Variants in CHODL observed in about 807,000 individuals in gnomAD.
CHODL encodes chondrolectin, also known as transmembrane protein MT75.
A neutral mutation model predicts 34.5 loss-of-function variants in CHODL; 29 were observed. That is an observed-to-expected ratio of 0.84 (90% confidence interval 0.63 to 1.15). The LOEUF (loss-of-function observed/expected upper bound fraction) is 1.15. CHODL is among the 50% of genes most tolerant of loss of function. CHODL has a pLI of 0.00. For missense variants in CHODL, 332 were observed against 332.5 expected, an observed-to-expected ratio of 1.00 and a Z score of 0.01; for synonymous variants, 125 against 116.1, an observed-to-expected ratio of 1.08 and a Z score of -0.49.
At chr21:18,249,008 A>AAT (rs35373711) in intron 1 of CHODL, among the ~76,000 whole-genome samples, 2,487 of 108,998 alleles carry the variant, frequency 0.023, 95 homozygotes, top group African/African-American at 0.08. Flanking sequence ...ATTTATATAT[A>AAT]ATATATATTA....
chr21:17,981,325 A>T (rs1478590459), intron 1 of CHODL, among the ~76,000 whole-genome samples: 1 of 152,194 alleles, frequency 6.6e-6, no homozygotes, highest in Non-Finnish European at 1.5e-5. Flanking sequence ...TCCTTATGAA[A>T]CAGGAAAACA....
At chr21:18,083,678 T>C (rs540802268) in intron 2 of CHODL, among the ~76,000 whole-genome samples, 1 of 152,334 alleles carries the variant, frequency 6.6e-6, no homozygotes, top group East Asian at 1.9e-4. Context: ...TCTGGAGCTT[T>C]AATATTTAAT....
At chr21:18,087,141 G>A (rs1417599435) in intron 2 of CHODL, among the ~76,000 whole-genome samples, 2 of 152,156 alleles carry the variant, frequency 1.3e-5, no homozygotes, top group African/African-American at 4.8e-5. Context: ...CTTGAACTTG[G>A]CCCATGTTAA....
intron 2 of CHODL, among the ~76,000 whole-genome samples, chr21:18,029,460 T>C (rs2064221840): frequency 2.6e-5 from 4 of 152,158 alleles, no homozygotes; most frequent in South Asian, 2.1e-4. Flanking sequence ...AGATGTGTTA[T>C]GAAAACATAA....
chr21:18,043,543 G>C (rs1315074669), intron 2 of CHODL, among the ~76,000 whole-genome samples: 2 of 151,922 alleles, frequency 1.3e-5, no homozygotes, highest in Non-Finnish European at 2.9e-5. Flanking sequence ...TAAGCACAGA[G>C]CTGACAGCCC....
chr21:18,002,436 T>C (rs1013254797), intron 1 of CHODL, among the ~76,000 whole-genome samples: 3 of 152,206 alleles, frequency 2.0e-5, no homozygotes, highest in Non-Finnish European at 4.4e-5. Flanking sequence ...CATACTTCTC[T>C]CTTTAATTTT....
chr21:18,119,095 T>G (rs1414838627), intron 2 of CHODL, among the ~76,000 whole-genome samples: 1 of 152,300 alleles, frequency 6.6e-6, no homozygotes, highest in Non-Finnish European at 1.5e-5. Flanking sequence ...AATTTGCATA[T>G]GATAAACTGA....
chr21:17,947,687 A>G (rs1042251237), intron 1 of CHODL, among the ~76,000 whole-genome samples: 8 of 152,220 alleles, frequency 5.3e-5, no homozygotes, highest in South Asian at 4.1e-4. Flanking sequence ...AGGATTTGGG[A>G]AAAAGAGAAA....
chr21:17,938,496 G>GTTTTTTTTTTTTTTTTTTTTTTTT lies in CHODL; in HGVS notation c.-145+21096_-145+21097insTTTTTTTTTTTTTTTTTTTTTTTT, dbSNP rs2063336099. On this transcript the variant is annotated intron_variant, in intron 1 of 6. Transcript: ENST00000400127. ...TTTTTTTTTTTTTTTTTTTTTTTAA[G>GTTTTTTTTTTTTTTTTTTTTTTTT]GAAAGGGAGTCTCGCTCCATCGCCC... Among the ~76,000 whole-genome samples, 7 of 43,684 alleles carry GTTTTTTTTTTTTTTTTTTTTTTTT rather than the reference G, an allele frequency of 1.6e-4. 3 individuals are homozygous for GTTTTTTTTTTTTTTTTTTTTTTTT. Among genetic ancestry groups the GTTTTTTTTTTTTTTTTTTTTTTTT allele is most frequent in the African/African-American group, 6.4e-4 (7 of 10,948 alleles). The allele number at this position is 43,684 out of a possible 152,430, so 28.7% of individuals were successfully genotyped here. A position where few individuals can be genotyped will look rare whatever the true frequency, so the allele number is the denominator to read the frequency against.
rs374201191 is a variant in CHODL at position 18,031,188 on chromosome 21, G to C, written c.-45+3217G>C. 5.9e-5 allele frequency among the ~76,000 whole-genome samples: 9 copies of C among 152,110 alleles called. No individual in the cohort carries two copies. In the South Asian group the frequency reaches 1.7e-3, roughly 28 times the overall value. ...TGAAGCTGAAACTGCCAACTCCACT[G>C]AACTTCTCATGGCAACCAATGCAGA... On this transcript the variant is annotated intron_variant, in intron 2 of 6. Transcript: ENST00000400127.
intron 1 of CHODL, among the ~76,000 whole-genome samples, chr21:17,925,381 C>G (rs1420860883): frequency 1.3e-5 from 2 of 152,266 alleles, no homozygotes; most frequent in East Asian, 1.9e-4. Flanking sequence ...GATGTATGCA[C>G]CTGGGCCAGT....
chr21:18,131,555 T>TTATTTTCA (rs2072655268), intron 2 of CHODL, among the ~76,000 whole-genome samples: 1 of 152,188 alleles, frequency 6.6e-6, no homozygotes, highest in Non-Finnish European at 1.5e-5. Flanking sequence ...TTTTCCCCAG[T>TTATTTTCA]TATTTTCATC....
chr21:18,015,510 G>C (rs1416556675), intron 1 of CHODL, among the ~76,000 whole-genome samples: 2 of 152,094 alleles, frequency 1.3e-5, no homozygotes, highest in Non-Finnish European at 1.5e-5. Flanking sequence ...ACCGAGAATT[G>C]GTACCAGAGA....
intron 2 of CHODL, among the ~76,000 whole-genome samples, chr21:18,093,149 T>C (rs2065094533): frequency 6.6e-6 from 1 of 152,124 alleles, no homozygotes; most frequent in African/African-American, 2.4e-5. Flanking sequence ...GACTTTTCAA[T>C]AGAAACCTTA....
chr21:17,950,490 G>T (rs2063447020), intron 1 of CHODL, among the ~76,000 whole-genome samples: 1 of 113,416 alleles, frequency 8.8e-6, no homozygotes, highest in Non-Finnish European at 1.7e-5. Flanking sequence ...AGAAATCCTA[G>T]ATACACAACA....
chr21:18,136,517 C>T (rs1191359680), intron 2 of CHODL, among the ~76,000 whole-genome samples: 1 of 152,020 alleles, frequency 6.6e-6, no homozygotes, highest in East Asian at 1.9e-4. Context: ...TAAAATGAGG[C>T]ACCACTGAGT....
chr21:18,112,646 C>T (rs1282852151), intron 2 of CHODL, among the ~76,000 whole-genome samples: 3 of 152,092 alleles, frequency 2.0e-5, no homozygotes, highest in Non-Finnish European at 2.9e-5. Context: ...ACAAAAATGC[C>T]AAGAACATAC....
chr21:17,918,845 A>T (rs971906494), intron 1 of CHODL, among the ~76,000 whole-genome samples: 1 of 152,254 alleles, frequency 6.6e-6, no homozygotes, highest in African/African-American at 2.4e-5. Context: ...CTTCCTAGAT[A>T]CAATGGCGGT....
chr21:18,060,330 C>G (rs1387298771), intron 2 of CHODL, among the ~76,000 whole-genome samples: 25 of 152,022 alleles, frequency 1.6e-4, no homozygotes, highest in Non-Finnish European at 3.7e-4. Flanking sequence ...TGGTGCACGT[C>G]TGTGGTCCCA....
Sources: allele counts gnomAD v4.1 joint callset (sites outside exome capture counted in the v4.1 genomes callset), GRCh38; gene constraint gnomAD v4.1.1; transcripts MANE v1.5; gene names NCBI Gene and HGNC (gene_info 2026-07-23, HGNC 2026-07-21).